EVC: variants seen among roughly 807,000 people sequenced by gnomAD.
The protein encoded by EVC is evC complex member EVC.
Under a neutral mutation model 118.9 loss-of-function variants are expected in EVC, and 116 were observed. The ratio of observed to expected loss-of-function variants is 0.98; its 90% CI spans 0.84 to 1.14. The LOEUF (loss-of-function observed/expected upper bound fraction) is 1.14. EVC is among the 50% of genes most tolerant of loss of function. EVC has a pLI of 0.00. For synonymous variants in EVC, 619 were observed against 534.7 expected (o/e 1.16, Z -2.18); for missense variants, 1,401 against 1,246.4 (o/e 1.12, Z -1.87).
At position 5,798,533 on chromosome 4, in the gene EVC, G is replaced by C; in HGVS notation, c.2098-53G>C. 1 of 1,530,596 alleles carries C rather than the reference G, an allele frequency of 6.5e-7. No homozygotes were observed. Among genetic ancestry groups the C allele is most frequent in the Non-Finnish European group, 8.8e-7 (1 of 1,130,144 alleles). The allele number at this position is 1,530,596 out of a possible 1,614,324, so 94.8% of individuals were successfully genotyped here. ...GCCCCACATCCCAGTCCTGGCCAGA[G>C]CTTCTCTGTGAGAGGAGCACTTGGC... On this transcript the variant is annotated intron_variant, in intron 14 of 20. Transcript: ENST00000264956. This position sits in a 1 kb window ranked among gnomAD's most constrained non-coding sequence, Gnocchi z 4.1.
In EVC at chr4:5,749,079, A is replaced by G. The variant is rs1729949727; in HGVS notation, c.1098+773A>G. Among the ~76,000 whole-genome samples the G allele has an allele frequency of 6.6e-6, 1 of 151,838 alleles. No homozygotes were observed. Among genetic ancestry groups the G allele is most frequent in the Non-Finnish European group, 1.5e-5 (1 of 67,988 alleles). Reference sequence around the variant, plus strand: ...GACAGAGCATTGATTGACTTTCCTGATTGCCCTGTTTTGCCTGCAGAGTTC... The same window carrying G: ...GACAGAGCATTGATTGACTTTCCTGGTTGCCCTGTTTTGCCTGCAGAGTTC... On this transcript the variant is annotated intron_variant, in intron 8 of 20. Coordinates refer to ENST00000264956, the MANE Select transcript of EVC (RefSeq NM_153717.3). This position sits in a 1 kb window ranked among gnomAD's most constrained non-coding sequence, Gnocchi z 4.4.
chr4:5,803,533 G>C (rs1560437021), intron 16 of EVC, among the ~76,000 whole-genome samples: 1 of 152,196 alleles, frequency 6.6e-6, no homozygotes, highest in Admixed American at 6.5e-5. Flanking sequence ...TGGGACTAGG[G>C]TTGGAGACTG....
At position 5,755,427 on chromosome 4, in the gene EVC, T is replaced by TGAAC. The variant is rs1731016714; in HGVS notation, c.1465-834_1465-833insCGAA. ...ATGGACAAATGGGCAAACGAGCGAA[T>TGAAC]GAAGGAGGATGGAATGGGTGGGAGA... On this transcript the variant is annotated intron_variant, in intron 10 of 20. Coordinates refer to ENST00000264956, the MANE Select transcript of EVC (RefSeq NM_153717.3). The surrounding 1 kb of genome is among the most constrained non-coding windows in gnomAD (Gnocchi z 4.1). Among the ~76,000 whole-genome samples, 1 of 151,364 alleles carries TGAAC rather than the reference T, an allele frequency of 6.6e-6. No individual in the cohort carries two copies. Among genetic ancestry groups the TGAAC allele is most frequent in the Non-Finnish European group, 1.5e-5 (1 of 67,982 alleles).
At chr4:5,827,998 A>G in the EVC span, 3 of 976,064 alleles carry the variant, frequency 3.1e-6, no homozygotes, top group African/African-American at 1.8e-5. Context: ...AGAAACGTCA[A>G]GGGAGGAAGG....
intron 2 of EVC, among the ~76,000 whole-genome samples, chr4:5,725,610 C>G (rs1725684912): frequency 6.6e-6 from 1 of 152,148 alleles, no homozygotes; most frequent in Admixed American, 6.6e-5. Flanking sequence ...CTTGTAGATT[C>G]TGGATGTTAG....
chr4:5,748,438 C>A (rs893845683), intron 8 of EVC, 132 bp downstream of exon 8: 19 of 859,320 alleles, frequency 2.2e-5, no homozygotes, highest in East Asian at 1.6e-4. Context: ...GAAAAAAAAA[C>A]CAACAACAAC....
downstream of EVC, among the ~76,000 whole-genome samples, chr4:5,817,106 G>A (rs548476250): frequency 1.1e-4 from 16 of 152,364 alleles, no homozygotes; most frequent in South Asian, 3.3e-3. Flanking sequence ...CCTGCACCAG[G>A]CATTTGCCCA....
chr4:5,805,891 C>CTTTTTTT lies in EVC; in HGVS notation c.2561+1062_2561+1068dup, dbSNP rs4045512. Among the ~76,000 whole-genome samples the CTTTTTTT allele has an allele frequency of 9.1e-4, 113 of 123,842 alleles. 2 individuals carry two copies. The highest frequency in any genetic ancestry group is 1.1e-3 in the Non-Finnish European group (69 of 60,714). The allele number at this position is 123,842 out of a possible 152,430, so 81.2% of individuals were successfully genotyped here. On this transcript the variant is annotated intron_variant, in intron 17 of 20. Coordinates refer to ENST00000264956, the MANE Select transcript of EVC (RefSeq NM_153717.3). ...CTTGAATTCAGAGGCAGTTTCTTTT[C>CTTTTTTT]TTTTTTTTTTTTTTTTTTGAAGGAG...
chr4:5,814,951 CCTTT>C (rs1260786768), downstream of EVC, among the ~76,000 whole-genome samples: 2 of 152,088 alleles, frequency 1.3e-5, no homozygotes, highest in Non-Finnish European at 2.9e-5. Flanking sequence ...AAATAACCTT[CCTTT>C]ATTTCTTGTC....
At chr4:5,817,923 T>C (rs1717951586), downstream of EVC, among the ~76,000 whole-genome samples, 1 of 152,218 alleles carries the variant, frequency 6.6e-6, no homozygotes, top group Non-Finnish European at 1.5e-5. Flanking sequence ...TGCAAAGACC[T>C]TGCCCATTCT....
intron 15 of EVC, among the ~76,000 whole-genome samples, chr4:5,799,565 G>A (rs569710142): frequency 1.4e-4 from 21 of 152,292 alleles, no homozygotes; most frequent in African/African-American, 4.3e-4. Flanking sequence ...CTTACAAGCT[G>A]TAAGGAGAGG....
chr4:5,742,778 T>C lies in EVC; in HGVS notation c.801+964T>C, dbSNP rs1728806443. Among the ~76,000 whole-genome samples the C allele has an allele frequency of 6.6e-6, 1 of 152,198 alleles. No homozygotes were observed. Among genetic ancestry groups the C allele is most frequent in the South Asian group, 2.1e-4 (1 of 4,836 alleles). Reference sequence around the variant, plus strand: ...CTTATTGCCATCACCACCACCAATGTTGCAGGGCAGGCAAGCTCCAGAATA... The same window carrying C: ...CTTATTGCCATCACCACCACCAATGCTGCAGGGCAGGCAAGCTCCAGAATA... On this transcript the variant is annotated intron_variant, in intron 6 of 20. Coordinates refer to ENST00000264956, the MANE Select transcript of EVC (RefSeq NM_153717.3). The surrounding 1 kb of genome is among the most constrained non-coding windows in gnomAD (Gnocchi z 5.2).
downstream of EVC, among the ~76,000 whole-genome samples, chr4:5,817,040 G>A (rs1170451975): frequency 6.6e-6 from 1 of 152,232 alleles, no homozygotes. Flanking sequence ...GAAGGAATCA[G>A]TGAGGCTGAG....
Position 5,812,474 on chromosome 4 carries a change from A to G in EVC, c.*1437A>G, listed in dbSNP as rs1333126727. The stretch of plus-strand genomic sequence containing the variant: ...GAGAGACCTTTTCTGCCTGGAGAGA[A>G]ACTTTCAGACCAGCCCCACACACCA... On this transcript the variant is annotated 3_prime_UTR_variant, in exon 21 of 21. Coordinates refer to ENST00000264956, the MANE Select transcript of EVC (RefSeq NM_153717.3). The G allele has an allele frequency of 6.0e-6, 1 of 165,290 alleles. No homozygotes were observed. Among genetic ancestry groups the G allele is most frequent in the Non-Finnish European group, 1.3e-5 (1 of 78,246 alleles). 10.2% of individuals were successfully genotyped at this position (165,290 alleles called of 1,614,324 possible). A position where few individuals can be genotyped will look rare whatever the true frequency, so the allele number is the denominator to read the frequency against.
intron 2 of EVC, among the ~76,000 whole-genome samples, chr4:5,726,627 T>C (rs1322651191): frequency 3.4e-5 from 5 of 149,242 alleles, no homozygotes; most frequent in African/African-American, 1.2e-4. Flanking sequence ...TTGTGCAGGT[T>C]AGTTACATAT....
chr4:5,783,835 C>A, intron 12 of EVC, 71 bp downstream of exon 12: 1 of 1,423,210 alleles, frequency 7.0e-7, no homozygotes, highest in Non-Finnish European at 9.7e-7. Flanking sequence ...TGAGAGATCT[C>A]ACGTCCTGAA....
intron 8 of EVC, among the ~76,000 whole-genome samples, chr4:5,751,303 A>G (rs1730327650): frequency 6.6e-6 from 1 of 152,070 alleles, no homozygotes; most frequent in South Asian, 2.1e-4. Context: ...CCCTTCCCCC[A>G]TTCCACATCC....
chr4:5,824,348 C>T, the EVC span: 1 of 985,364 alleles, frequency 1.0e-6, no homozygotes, highest in Non-Finnish European at 1.2e-6. Context: ...GAAGCTCTTC[C>T]ATCAAAGTCT....
At chr4:5,721,442 G>A (rs1724942837) in intron 2 of EVC, among the ~76,000 whole-genome samples, 1 of 152,210 alleles carries the variant, frequency 6.6e-6, no homozygotes, top group South Asian at 2.1e-4. Flanking sequence ...CCTGTGAAAT[G>A]TCTAGAATAG....
Sources: allele counts gnomAD v4.1 joint callset (sites outside exome capture counted in the v4.1 genomes callset), GRCh38; gene constraint gnomAD v4.1.1; non-coding constraint Gnocchi (gnomAD v3.1); transcripts MANE v1.5; gene names NCBI Gene and HGNC (gene_info 2026-07-23, HGNC 2026-07-21).